The following BAALC variants were observed in gnomAD, a reference collection of about 807,000 sequenced individuals.
The protein encoded by BAALC is brain and acute leukemia cytoplasmic protein.
Under a neutral mutation model 15.5 loss-of-function variants are expected in BAALC, and 9 were observed. The ratio of observed to expected loss-of-function variants is 0.58; its 90% CI spans 0.35 to 1.02. The LOEUF (loss-of-function observed/expected upper bound fraction) is 1.02, where lower values mean the gene tolerates loss of function less well. Among genes scored for constraint, BAALC ranks in the 50% least tolerant of loss-of-function variants. The probability of loss-of-function intolerance (pLI) is 0.02; values close to 1 mark genes in which losing one functional copy is unlikely to be tolerated. For missense variants in BAALC, 201 were observed against 192.4 expected (o/e 1.04, Z -0.27); for synonymous variants, 80 against 74.6 (o/e 1.07, Z -0.37).
intron 2 of BAALC, 118 bp downstream of exon 2, chr8:103,213,203 A>T: frequency 8.6e-7 from 1 of 1,169,014 alleles, no homozygotes; most frequent in East Asian, 2.6e-5. Flanking sequence ...CATCTTGGAA[A>T]AAAAAAGTCT....
chr8:103,158,431 T>C (rs1811148480), intron 1 of BAALC, among the ~76,000 whole-genome samples: 1 of 152,232 alleles, frequency 6.6e-6, no homozygotes, highest in Admixed American at 6.5e-5. Flanking sequence ...TTGTTCTTCC[T>C]TTCTTTATTA....
chr8:103,146,846 C>T (rs145412526), intron 1 of BAALC, among the ~76,000 whole-genome samples: 22 of 152,350 alleles, frequency 1.4e-4, no homozygotes, highest in African/African-American at 5.1e-4. Context: ...AAGGTTTAGG[C>T]AGCCTCATGT....
At chr8:103,198,342 T>C (rs1452071611) in intron 1 of BAALC, among the ~76,000 whole-genome samples, 1 of 152,206 alleles carries the variant, frequency 6.6e-6, no homozygotes, top group East Asian at 1.9e-4. Context: ...TCTAAAGCTA[T>C]TACTAATTAG....
chr8:103,193,459 T>C (rs1241771585), intron 1 of BAALC, among the ~76,000 whole-genome samples: 1 of 152,240 alleles, frequency 6.6e-6, no homozygotes, highest in Non-Finnish European at 1.5e-5. Flanking sequence ...TCTCTTGCTC[T>C]CAAGAAAGGA....
intron 1 of BAALC, among the ~76,000 whole-genome samples, chr8:103,163,831 A>C (rs1191713381): frequency 6.6e-6 from 1 of 152,240 alleles, no homozygotes; most frequent in East Asian, 1.9e-4. Flanking sequence ...TATTTATCAC[A>C]CAGAAAATCC....
At chr8:103,174,181 C>G (rs1811557861) in intron 1 of BAALC, among the ~76,000 whole-genome samples, 1 of 151,054 alleles carries the variant, frequency 6.6e-6, no homozygotes, top group Non-Finnish European at 1.5e-5. Flanking sequence ...CGGCCTCCCC[C>G]ATCAAGATGG....
At chr8:103,165,824 C>A (rs1425622106) in intron 1 of BAALC, 2 of 152,322 alleles carry the variant, frequency 1.3e-5, no homozygotes, top group Admixed American at 6.5e-5. Flanking sequence ...AAGACACTTA[C>A]CCTCTTTGTG....
At chr8:103,156,902 C>T (rs1352726074) in intron 1 of BAALC, 1 of 152,216 alleles carries the variant, frequency 6.6e-6, no homozygotes, top group Admixed American at 6.5e-5. Context: ...AGAGAAAGAG[C>T]ACCATTTAAA....
At chr8:103,227,064 T>C (rs1370093020) in intron 2 of BAALC, among the ~76,000 whole-genome samples, 1 of 152,206 alleles carries the variant, frequency 6.6e-6, no homozygotes, top group Non-Finnish European at 1.5e-5. Flanking sequence ...TTAATAAACA[T>C]GCCCTATTCC....
At chr8:103,166,074 A>G (rs1811339048) in intron 1 of BAALC, 1 of 152,588 alleles carries the variant, frequency 6.6e-6, no homozygotes, top group Non-Finnish European at 1.5e-5. Flanking sequence ...CAGGTTCTCC[A>G]TTGTTCGCTT....
chr8:103,224,095 G>A (rs765141624), intron 2 of BAALC, among the ~76,000 whole-genome samples: 1 of 146,546 alleles, frequency 6.8e-6, no homozygotes, highest in Non-Finnish European at 1.5e-5. Context: ...GTGCATATGT[G>A]CATGTGCTTC....
At chr8:103,177,436 T>C (rs577295043) in intron 1 of BAALC, among the ~76,000 whole-genome samples, 1 of 152,312 alleles carries the variant, frequency 6.6e-6, no homozygotes, top group East Asian at 1.9e-4. Flanking sequence ...GTTCCCACCT[T>C]GGCCTCCCAA....
intron 1 of BAALC, among the ~76,000 whole-genome samples, chr8:103,176,229 G>A (rs376233408): frequency 4.6e-5 from 7 of 152,022 alleles, no homozygotes; most frequent in East Asian, 1.9e-4. Flanking sequence ...GCTCTCTCAC[G>A]CATACATGCA....
intron 1 of BAALC, among the ~76,000 whole-genome samples, chr8:103,149,166 A>G (rs558918736): frequency 1.0e-3 from 1 of 988 alleles, no homozygotes; most frequent in African/African-American, 3.5e-3. Flanking sequence ...CGAATGTAGT[A>G]CCCTCCCCCC....
rs1443982042 is a variant in BAALC, at chr8:103,154,684, C to T, written c.160+13627C>T. ...CCACCTGATCCCACAGCCCACCTGTCACCCCAAAAGCCTGCTGCTCCTGCC... is the reference window on the plus strand; with the variant it reads ...CCACCTGATCCCACAGCCCACCTGTTACCCCAAAAGCCTGCTGCTCCTGCC... On this transcript the variant is annotated intron_variant, in intron 1 of 2. Transcript: ENST00000309982. 2.6e-5 allele frequency: 4 copies of T among 154,094 alleles called. No homozygotes were observed. The East Asian group carries it at 7.9e-4, about 30-fold the overall frequency. 9.5% of individuals were successfully genotyped at this position (154,094 alleles called of 1,614,324 possible).
intron 1 of BAALC, among the ~76,000 whole-genome samples, chr8:103,190,150 G>C (rs1257599260): frequency 6.6e-6 from 1 of 152,162 alleles, no homozygotes; most frequent in Non-Finnish European, 1.5e-5. Context: ...GACAGAAATG[G>C]CAGAGTCAGG....
At chr8:103,160,686 T>C (rs1381268687) in intron 1 of BAALC, among the ~76,000 whole-genome samples, 1 of 152,066 alleles carries the variant, frequency 6.6e-6, no homozygotes, top group Non-Finnish European at 1.5e-5. Flanking sequence ...GATCACAAGG[T>C]CCCACAATAG....
At position 103,141,377 on chromosome 8, in the gene BAALC, C is replaced by T. The variant is rs555307988; in HGVS notation, c.160+320C>T. On this transcript the variant is annotated intron_variant, in intron 1 of 2. Transcript: ENST00000309982. ...GCCCACCTCCTCCGCACACATATCC[C>T]TCAGCCACCCACCCCCTGATCCGCC... The T allele has an allele frequency of 6.8e-5, 20 of 295,842 alleles. No homozygotes were observed. The South Asian group carries it at 2.2e-3, about 33-fold the overall frequency. The allele number at this position is 295,842 out of a possible 1,614,324, so 18.3% of individuals were successfully genotyped here.
chr8:103,220,067 C>T (rs940929784), intron 2 of BAALC, among the ~76,000 whole-genome samples: 1 of 152,178 alleles, frequency 6.6e-6, no homozygotes, highest in Non-Finnish European at 1.5e-5. Context: ...CATGATTTGG[C>T]TGTGTTCAAA....
Sources: gnomAD v4.1 joint callset for allele counts (sites outside exome capture counted in the v4.1 genomes callset) on GRCh38, gnomAD v4.1.1 for gene constraint, MANE v1.5 for transcripts, NCBI Gene and HGNC (gene_info 2026-07-23, HGNC 2026-07-21) for gene names.